The following GPR180 variants were observed in gnomAD, a reference collection of about 807,000 sequenced individuals.
The protein encoded by GPR180 is G protein-coupled receptor 180.
GPR180 carries 53 observed loss-of-function variants against 52.6 expected under a neutral mutation model. That is an observed-to-expected ratio of 1.01 (90% CI 0.81 to 1.27). GPR180 has a LOEUF of 1.27. GPR180 is among the 50% of genes most tolerant of loss of function. GPR180 has a pLI of 0.00. For synonymous variants in GPR180, 200 were observed against 193.1 expected (o/e 1.04, Z -0.30); for missense variants, 533 against 527.0 (o/e 1.01, Z -0.11).
intron 2 of GPR180, among the ~76,000 whole-genome samples, chr13:94,608,618 T>C (rs1889663556): frequency 6.6e-6 from 1 of 152,204 alleles, no homozygotes; most frequent in Admixed American, 6.5e-5. Context: ...TTATGGTATG[T>C]TATTTAGGAG....
At chr13:94,612,447 T>A in intron 3 of GPR180, 57 bp downstream of exon 3, 1 of 1,255,492 alleles carries the variant, frequency 8.0e-7, no homozygotes. Flanking sequence ...TGTACAAATA[T>A]ATTCATGTTG....
chr13:94,623,410 G>A (rs997872816), intron 7 of GPR180, 110 bp downstream of exon 7: 12 of 815,560 alleles, frequency 1.5e-5, no homozygotes, highest in Non-Finnish European at 2.3e-5. Flanking sequence ...TCTGGGTTGG[G>A]CACAGTGGCT....
chr13:94,624,626 C>T (rs529410528), intron 7 of GPR180, among the ~76,000 whole-genome samples: 14 of 152,318 alleles, frequency 9.2e-5, no homozygotes, highest in Admixed American at 2.0e-4. Context: ...GGCGTGATCT[C>T]GGCTCACTGC....
In GPR180 at chr13:94,619,551, T is replaced by TTTA. The variant is rs748011276; in HGVS notation, c.736+35_736+37dup. 183 of 1,546,784 alleles carry TTTA rather than the reference T, an allele frequency of 1.2e-4. 2 individuals carry two copies. In the African/African-American group the frequency reaches 2.2e-3, roughly 18 times the overall value. ...CTTTCTGAGCATTTTTTAAAAAGCT[T>TTTA]TTACACTCGCTATCTGCTTTTTTTT... On this transcript the variant is annotated intron_variant, in intron 5 of 8. Transcript: ENST00000376958.
chr13:94,604,265 C>T (rs537200574), intron 1 of GPR180, among the ~76,000 whole-genome samples: 3 of 151,180 alleles, frequency 2.0e-5, no homozygotes, highest in African/African-American at 7.3e-5. Flanking sequence ...ACCGGGGAGG[C>T]GGAGGTTGCA....
chr13:94,624,744 G>GT (rs1889903076), intron 7 of GPR180, among the ~76,000 whole-genome samples: 1 of 152,102 alleles, frequency 6.6e-6, no homozygotes, highest in African/African-American at 2.4e-5. Flanking sequence ...GGGTTTCACC[G>GT]TGTTAGCCAG....
intron 8 of GPR180, among the ~76,000 whole-genome samples, chr13:94,626,295 G>C (rs1202464002): frequency 6.6e-6 from 1 of 151,918 alleles, no homozygotes; most frequent in African/African-American, 2.4e-5. Context: ...TAGAAATTTT[G>C]TTTTATAAAT....
chr13:94,615,172 T>G (rs1566979078), intron 3 of GPR180, among the ~76,000 whole-genome samples: 1 of 152,200 alleles, frequency 6.6e-6, no homozygotes, highest in East Asian at 1.9e-4. Flanking sequence ...GATCTAAAAG[T>G]CCATATTTCA....
rs1237861947 is a variant in GPR180 at position 94,629,746 on chromosome 13, T to G, written c.*2575T>G. On this transcript the variant is annotated 3_prime_UTR_variant, in exon 9 of 9. Transcript: ENST00000376958. ...GCACACTTCAGTATTTGAACCTGGC[T>G]TTTAACCAGACAGTATTACTAGCAG... is the stretch of plus-strand genomic sequence containing the variant. 1 of 152,218 alleles carries G rather than the reference T, an allele frequency of 6.6e-6. No homozygotes were observed. The highest frequency in any genetic ancestry group is 6.5e-5 in the Admixed American group (1 of 15,280). The allele number at this position is 152,218 out of a possible 1,614,324, so 9.4% of individuals were successfully genotyped here. A position where few individuals can be genotyped will look rare whatever the true frequency, so the allele number is the denominator to read the frequency against.
chr13:94,619,626 G>A (rs930940842), intron 5 of GPR180, 109 bp downstream of exon 5: 1 of 883,170 alleles, frequency 1.1e-6, no homozygotes, highest in Non-Finnish European at 1.8e-6. Flanking sequence ...TTAGAAATCA[G>A]CTTGACTGAG....
At chr13:94,619,067 T>C (rs1889817417) in intron 3 of GPR180, 83 bp from the exon 4 acceptor site, 9 of 1,050,618 alleles carry the variant, frequency 8.6e-6, no homozygotes, top group African/African-American at 4.8e-5. Context: ...TCTAGAAATA[T>C]ATTGACAGGG....
At chr13:94,618,420 A>ATTTGTTTTTTTTTTTTTTTTT (rs1889805988) in intron 3 of GPR180, among the ~76,000 whole-genome samples, 1 of 87,156 alleles carries the variant, frequency 1.1e-5, no homozygotes, top group Non-Finnish European at 2.1e-5. Context: ...TCAGCACAGG[A>ATTTGTTTTTTTTTTTTTTTTT]TTTTTTTTTT....
intron 6 of GPR180, among the ~76,000 whole-genome samples, chr13:94,622,406 A>G (rs1465621455): frequency 3.3e-5 from 5 of 152,240 alleles, no homozygotes; most frequent in African/African-American, 7.2e-5. Flanking sequence ...TAGAGTTTAT[A>G]TGAACATTTA....
Position 94,626,054 on chromosome 13 carries a change from T to C in GPR180, c.1164+11T>C, listed in dbSNP as rs374832084. ...TACCAAAGAGACAAGGTAAGAAATA[T>C]ACATGATCAAAGTAGTTTTCTTAAT... On this transcript the variant is annotated intron_variant, in intron 8 of 8. Transcript: ENST00000376958. 2.5e-5 allele frequency: 40 copies of C among 1,570,116 alleles called. No individual in the cohort carries two copies. The highest frequency in any genetic ancestry group is 3.3e-5 in the Non-Finnish European group (38 of 1,141,636).
In GPR180 at chr13:94,612,522, CTT is replaced by C. The variant is rs1490243517; in HGVS notation, c.505+133_505+134del. The C allele has an allele frequency of 1.5e-5, 10 of 645,444 alleles. No individual in the cohort carries two copies. The East Asian group carries it at 2.5e-4, about 16-fold the overall frequency. The allele number at this position is 645,444 out of a possible 1,614,324, so 40.0% of individuals were successfully genotyped here. A position where few individuals can be genotyped will look rare whatever the true frequency, so the allele number is the denominator to read the frequency against. On this transcript the variant is annotated intron_variant, in intron 3 of 8. Coordinates refer to ENST00000376958, the MANE Select transcript of GPR180 (RefSeq NM_180989.6). ...AAACTAGAGAAATGGTTAAATTAAT[CTT>C]CTTATAGCATTTTGATAGCCATCAT...
At chr13:94,616,802 C>CA (rs1311077598) in intron 3 of GPR180, among the ~76,000 whole-genome samples, 2 of 151,920 alleles carry the variant, frequency 1.3e-5, no homozygotes, top group African/African-American at 2.4e-5. Context: ...TGTGGCAAAA[C>CA]AAAAAATTGG....
chr13:94,608,152 G>T (rs892512124), intron 2 of GPR180, among the ~76,000 whole-genome samples: 2 of 152,182 alleles, frequency 1.3e-5, no homozygotes, highest in African/African-American at 4.8e-5. Context: ...ACAGTGTGGT[G>T]CAATGGGAAG....
chr13:94,605,335 A>C, intron 1 of GPR180, 56 bp from the exon 2 acceptor site: 1 of 1,548,830 alleles, frequency 6.5e-7, no homozygotes, highest in Admixed American at 1.7e-5. Flanking sequence ...AGTTGTCCTC[A>C]TGTCTCAGTT....
chr13:94,620,678 AG>A (rs1889839436), intron 5 of GPR180, among the ~76,000 whole-genome samples: 1 of 152,242 alleles, frequency 6.6e-6, no homozygotes, highest in Non-Finnish European at 1.5e-5. Flanking sequence ...TGAAGGTACT[AG>A]TATTCTCCAT....
Sources: allele counts gnomAD v4.1 joint callset (sites outside exome capture counted in the v4.1 genomes callset), GRCh38; gene constraint gnomAD v4.1.1; transcripts MANE v1.5; gene names NCBI Gene and HGNC (gene_info 2026-07-23, HGNC 2026-07-21).